The following RALGAPA1 variants were observed in gnomAD, a reference collection of about 807,000 sequenced individuals.
RALGAPA1 encodes Ral GTPase activating protein catalytic subunit alpha 1, also known as ral GTPase-activating protein subunit alpha-1.
Under a neutral mutation model 269.6 loss-of-function variants are expected in RALGAPA1, and 52 were observed. That is an observed-to-expected ratio of 0.19 (90% CI 0.15 to 0.24). The LOEUF is 0.24. RALGAPA1 is among the 10% of genes least tolerant of loss of function. The probability of loss-of-function intolerance (pLI) is 1.00; values close to 1 mark genes in which losing one functional copy is unlikely to be tolerated. For synonymous variants in RALGAPA1, 817 were observed against 1,008.3 expected (o/e 0.81, Z 3.60); for missense variants, 1,917 against 3,013.9 (o/e 0.64, Z 8.52).
chr14:35,672,575 G>A (rs879593314), intron 25 of RALGAPA1, among the ~76,000 whole-genome samples: 2 of 151,986 alleles, frequency 1.3e-5, no homozygotes, highest in Non-Finnish European at 2.9e-5. Context: ...TTAAAGAAAG[G>A]TATCAGCCTA....
At chr14:35,692,066 G>GT (rs1332399512) in intron 17 of RALGAPA1, among the ~76,000 whole-genome samples, 14 of 151,958 alleles carry the variant, frequency 9.2e-5, no homozygotes, top group African/African-American at 3.1e-4. Context: ...AAATATTTCG[G>GT]TTTTTTACAT....
At chr14:35,607,488 C>T (rs1326075637) in intron 35 of RALGAPA1, among the ~76,000 whole-genome samples, 1 of 152,204 alleles carries the variant, frequency 6.6e-6, no homozygotes, top group East Asian at 1.9e-4. Context: ...GCTCCAGGAA[C>T]AAAACGTTGA....
chr14:35,654,275 A>G (rs961891586), intron 30 of RALGAPA1, 92 bp downstream of exon 30: 3 of 1,328,202 alleles, frequency 2.3e-6, no homozygotes, highest in Non-Finnish European at 3.0e-6. Flanking sequence ...ATGCAAAAAA[A>G]TTTTAAAACT....
At chr14:35,622,721 A>C (rs1396295226) in intron 35 of RALGAPA1, among the ~76,000 whole-genome samples, 2 of 152,248 alleles carry the variant, frequency 1.3e-5, no homozygotes, top group Non-Finnish European at 2.9e-5. Flanking sequence ...AACTAGTTCC[A>C]GTTATCATTC....
At chr14:35,799,721 G>A (rs2076840296) in intron 1 of RALGAPA1, among the ~76,000 whole-genome samples, 1 of 151,990 alleles carries the variant, frequency 6.6e-6, no homozygotes, top group Non-Finnish European at 1.5e-5. Flanking sequence ...AAAACAAATA[G>A]AAAGATGACA....
intron 30 of RALGAPA1, among the ~76,000 whole-genome samples, chr14:35,653,340 A>C (rs8021835): frequency 0.039 from 6,006 of 152,320 alleles, 340 homozygotes; most frequent in African/African-American, 0.12. Flanking sequence ...AAAGATAGGA[A>C]GATAAGAATG....
Position 35,572,000 on chromosome 14 carries a change from A to G in RALGAPA1, c.7368+560T>C, listed in dbSNP as rs559846376. On this transcript the variant is annotated intron_variant, in intron 38 of 41. Coordinates refer to ENST00000680220, the MANE Select transcript of RALGAPA1 (RefSeq NM_001346249.2). ...AAAAAAGGGAAGGAACACACCAAAA[A>G]TACTACCAAACTTTTATTATCCTGG... Among the ~76,000 whole-genome samples the G allele has an allele frequency of 5.9e-5, 9 of 152,342 alleles. No homozygotes were observed. The South Asian group carries it at 1.7e-3, about 28-fold the overall frequency.
chr14:35,578,075 T>A (rs1200368453), intron 37 of RALGAPA1, among the ~76,000 whole-genome samples: 1 of 152,202 alleles, frequency 6.6e-6, no homozygotes, highest in Non-Finnish European at 1.5e-5. Flanking sequence ...CTTTCATTCA[T>A]AACCAAATAT....
intron 31 of RALGAPA1, among the ~76,000 whole-genome samples, chr14:35,637,488 T>C (rs888213795): frequency 6.6e-6 from 1 of 151,792 alleles, no homozygotes; most frequent in African/African-American, 2.4e-5. Context: ...AAAGAATTGG[T>C]GAGGCTGAAG....
chr14:35,766,275 C>T lies in RALGAPA1; in HGVS notation c.326-3522G>A, dbSNP rs188686320. On this transcript the variant is annotated intron_variant, in intron 4 of 41. Coordinates refer to ENST00000680220, the MANE Select transcript of RALGAPA1 (RefSeq NM_001346249.2). ...TGATGCAGCAATTGTCTTGGGTGTA[C>T]TGGCTGAACATGACCCTACGGATTC... 6 of 837,240 alleles carry T rather than the reference C, an allele frequency of 7.2e-6. No homozygotes were observed. In the East Asian group the frequency reaches 1.5e-4, roughly 20 times the overall value. The allele number at this position is 837,240 out of a possible 1,614,324, so 51.9% of individuals were successfully genotyped here. A position where few individuals can be genotyped will look rare whatever the true frequency, so the allele number is the denominator to read the frequency against.
At chr14:35,711,654 T>G (rs2140839747) in intron 16 of RALGAPA1, among the ~76,000 whole-genome samples, 1 of 152,234 alleles carries the variant, frequency 6.6e-6, no homozygotes, top group African/African-American at 2.4e-5. Flanking sequence ...TTCACCATGT[T>G]ACGTAGGCTG....
At chr14:35,748,372 C>A (rs1018417633) in intron 10 of RALGAPA1, 4 of 351,752 alleles carry the variant, frequency 1.1e-5, no homozygotes, top group African/African-American at 2.3e-5. Context: ...ATTTCTCTCT[C>A]TCGCTCTTTT....
At chr14:35,586,426 T>C (rs1259536665) in intron 37 of RALGAPA1, among the ~76,000 whole-genome samples, 2 of 152,228 alleles carry the variant, frequency 1.3e-5, no homozygotes, top group South Asian at 2.1e-4. Flanking sequence ...CTTTTCCTAA[T>C]TGAACACCCT....
intron 36 of RALGAPA1, among the ~76,000 whole-genome samples, chr14:35,597,092 T>C (rs2139037862): frequency 6.6e-6 from 1 of 152,300 alleles, no homozygotes; most frequent in Non-Finnish European, 1.5e-5. Flanking sequence ...TTTTCTGTCT[T>C]TTGCTATCAC....
At chr14:35,706,618 T>A (rs2067834882) in intron 16 of RALGAPA1, 1 of 148,868 alleles carries the variant, frequency 6.7e-6, no homozygotes, top group African/African-American at 2.5e-5. Flanking sequence ...CCTTTCCTTT[T>A]TTTTTTTTTT....
chr14:35,625,321 T>G, intron 35 of RALGAPA1, 40 bp downstream of exon 35: 8 of 1,293,952 alleles, frequency 6.2e-6, no homozygotes, highest in Non-Finnish European at 8.9e-6. Flanking sequence ...GAGAAATACC[T>G]GAGAGTTGCT....
At chr14:35,697,746 T>A (rs973616597) in intron 17 of RALGAPA1, among the ~76,000 whole-genome samples, 5 of 151,972 alleles carry the variant, frequency 3.3e-5, no homozygotes, top group African/African-American at 1.2e-4. Context: ...CCTATTTGCA[T>A]CTCCTGGAAA....
chr14:35,741,283 C>T (rs2071521122), intron 11 of RALGAPA1, among the ~76,000 whole-genome samples: 1 of 151,870 alleles, frequency 6.6e-6, no homozygotes, highest in African/African-American at 2.4e-5. Context: ...GTTTATTTTC[C>T]AGCATAAAAA....
chr14:35,742,804 C>T (rs1336080225), intron 10 of RALGAPA1, among the ~76,000 whole-genome samples: 2 of 148,418 alleles, frequency 1.3e-5, no homozygotes, highest in Non-Finnish European at 3.0e-5. Flanking sequence ...AAATAGAGAC[C>T]ACAACACTTA....
Sources: allele counts gnomAD v4.1 joint callset (sites outside exome capture counted in the v4.1 genomes callset), GRCh38; gene constraint gnomAD v4.1.1; transcripts MANE v1.5; gene names NCBI Gene and HGNC (gene_info 2026-07-23, HGNC 2026-07-21).